PLEKHG7: variants seen among roughly 807,000 people sequenced by gnomAD.
PLEKHG7 encodes pleckstrin homology and RhoGEF domain containing G7.
Under a neutral mutation model 85.2 loss-of-function variants are expected in PLEKHG7, and 77 were observed. The ratio of observed to expected loss-of-function variants is 0.90; its 90% CI spans 0.75 to 1.09. The LOEUF is 1.09. Among genes scored for constraint, PLEKHG7 ranks in the 50% least tolerant of loss-of-function variants. The pLI is 0.00. For missense variants in PLEKHG7, 777 were observed against 804.3 expected (o/e 0.97, Z 0.41); for synonymous variants, 301 against 302.4 (o/e 1.00, Z 0.05).
At chr12:92,704,135 T>C (rs1387271981) in intron 1 of PLEKHG7, among the ~76,000 whole-genome samples, 1 of 152,094 alleles carries the variant, frequency 6.6e-6, no homozygotes, top group Non-Finnish European at 1.5e-5. Flanking sequence ...GTGGTAAGCA[T>C]CCATAGCCCC....
intron 15 of PLEKHG7, among the ~76,000 whole-genome samples, chr12:92,767,254 T>G (rs1184265595): frequency 6.6e-6 from 1 of 152,248 alleles, no homozygotes; most frequent in Non-Finnish European, 1.5e-5. Flanking sequence ...GCCTGTATAT[T>G]ATACTCTCTC....
At chr12:92,733,806 A>G (rs1035194895) in intron 5 of PLEKHG7, among the ~76,000 whole-genome samples, 4 of 152,228 alleles carry the variant, frequency 2.6e-5, no homozygotes, top group Admixed American at 6.5e-5. Flanking sequence ...GGATTGATCC[A>G]TTCTTTTCCC....
chr12:92,731,387 G>T (rs1378465891), intron 4 of PLEKHG7, among the ~76,000 whole-genome samples: 1 of 152,178 alleles, frequency 6.6e-6, no homozygotes, highest in Non-Finnish European at 1.5e-5. Flanking sequence ...TGCAGTAAAT[G>T]CTGCTCAGTT....
At position 92,728,988 on chromosome 12, in the gene PLEKHG7, C is replaced by A; in HGVS notation, c.531-5C>A. On this transcript the variant is annotated splice_region_variant and splice_polypyrimidine_tract_variant and intron_variant, in intron 3 of 16. Transcript: ENST00000344636. Reference sequence around the variant, plus strand: ...TGTGGTTTTCCTTTTATCTCTTGAGCACAGGTTCTACGAGCACAGGCGGAG... The same window carrying A: ...TGTGGTTTTCCTTTTATCTCTTGAGAACAGGTTCTACGAGCACAGGCGGAG... The A allele has an allele frequency of 8.1e-7, 1 of 1,231,598 alleles. No homozygotes were observed. Among genetic ancestry groups the A allele is most frequent in the Non-Finnish European group, 1.0e-6 (1 of 987,606 alleles). The allele number at this position is 1,231,598 out of a possible 1,614,324, so 76.3% of individuals were successfully genotyped here.
At chr12:92,730,850 G>A (rs968728135) in intron 4 of PLEKHG7, among the ~76,000 whole-genome samples, 7 of 152,112 alleles carry the variant, frequency 4.6e-5, no homozygotes, top group African/African-American at 1.4e-4. Flanking sequence ...GCCTAGCATC[G>A]TGGTAGATAC....
At chr12:92,760,719 C>T (rs545755351) in intron 13 of PLEKHG7, among the ~76,000 whole-genome samples, 1 of 152,248 alleles carries the variant, frequency 6.6e-6, no homozygotes, top group South Asian at 2.1e-4. Flanking sequence ...TTCTCTTCTA[C>T]TACTATTCCC....
At position 92,743,350 on chromosome 12, in the gene PLEKHG7, G is replaced by C. The variant is rs1243480758; in HGVS notation, c.1137+1758G>C. On this transcript the variant is annotated intron_variant, in intron 9 of 16. Coordinates refer to ENST00000344636, the MANE Select transcript of PLEKHG7 (RefSeq NM_001377329.1). The stretch of plus-strand genomic sequence containing the variant: ...CTACATATCATCCTCCCCAAGAAGA[G>C]CAAAGAGATAAACAGGAAACAGTAT... Among the ~76,000 whole-genome samples the C allele has an allele frequency of 3.9e-5, 6 of 152,306 alleles. No individual in the cohort carries two copies. The East Asian group carries it at 1.2e-3, about 29-fold the overall frequency.
intron 9 of PLEKHG7, among the ~76,000 whole-genome samples, chr12:92,742,037 G>A (rs535204705): frequency 4.3e-4 from 65 of 152,220 alleles, no homozygotes; most frequent in African/African-American, 1.4e-3. Context: ...CCTGTACCCC[G>A]GGTTTGATCA....
At chr12:92,742,265 G>A (rs966019513) in intron 9 of PLEKHG7, among the ~76,000 whole-genome samples, 3 of 152,142 alleles carry the variant, frequency 2.0e-5, no homozygotes, top group Admixed American at 6.6e-5. Context: ...AATTAAACAA[G>A]CGCCTTGCTT....
intron 10 of PLEKHG7, among the ~76,000 whole-genome samples, chr12:92,751,641 T>C (rs954831939): frequency 6.6e-6 from 1 of 151,524 alleles, no homozygotes; most frequent in African/African-American, 2.4e-5. Context: ...CCCAAAGTGC[T>C]GGGATTACAG....
At chr12:92,742,745 C>T (rs949898034) in intron 9 of PLEKHG7, among the ~76,000 whole-genome samples, 2 of 151,834 alleles carry the variant, frequency 1.3e-5, no homozygotes, top group Admixed American at 6.6e-5. Flanking sequence ...ACCACCACGC[C>T]GAGTTAATTT....
intron 9 of PLEKHG7, among the ~76,000 whole-genome samples, chr12:92,742,608 G>A (rs115595022): frequency 0.027 from 2,950 of 111,208 alleles, 94 homozygotes; most frequent in East Asian, 0.086. Context: ...TTTTTTTTTA[G>A]ACAGTCTCAC....
intron 10 of PLEKHG7, among the ~76,000 whole-genome samples, chr12:92,753,788 T>C (rs541191914): frequency 5.1e-4 from 78 of 152,288 alleles, no homozygotes; most frequent in African/African-American, 1.8e-3. Flanking sequence ...CCAAAGCTGA[T>C]GAAACCAGAA....
At chr12:92,708,636 G>A (rs959686537) in intron 3 of PLEKHG7, 2 of 152,170 alleles carry the variant, frequency 1.3e-5, no homozygotes, top group Non-Finnish European at 2.9e-5. Flanking sequence ...CACTCCAAAT[G>A]TTCCTTATCC....
intron 5 of PLEKHG7, among the ~76,000 whole-genome samples, chr12:92,732,696 AT>A (rs1218781681): frequency 1.3e-5 from 2 of 152,212 alleles, no homozygotes; most frequent in African/African-American, 4.8e-5. Context: ...ATACACTTCT[AT>A]TTCTGGGAAA....
Position 92,727,927 on chromosome 12 carries a change from GGTGTGTGT to G in PLEKHG7, c.531-1037_531-1030del, listed in dbSNP as rs540230230. 2.3e-3 allele frequency among the ~76,000 whole-genome samples: 192 copies of G among 84,986 alleles called. 8 individuals are homozygous for G. Among genetic ancestry groups the G allele is most frequent in the African/African-American group, 7.0e-3 (161 of 23,104 alleles). 55.8% of individuals were successfully genotyped at this position (84,986 alleles called of 152,430 possible). A position where few individuals can be genotyped will look rare whatever the true frequency, so the allele number is the denominator to read the frequency against. ...TTTTTATGGCTGCATGGTATTCTAT[GGTGTGTGT>G]GTGTGTGTGTGTGTGTGTGTGTGTG... is the stretch of plus-strand genomic sequence containing the variant. On this transcript the variant is annotated intron_variant, in intron 3 of 16. Transcript: ENST00000344636.
chr12:92,724,141 C>T (rs1871727614), intron 3 of PLEKHG7, among the ~76,000 whole-genome samples: 1 of 152,092 alleles, frequency 6.6e-6, no homozygotes, highest in Non-Finnish European at 1.5e-5. Flanking sequence ...TCGGAGCACT[C>T]AGCATTTTAT....
At position 92,740,828 on chromosome 12, in the gene PLEKHG7, T is replaced by A. The variant is rs760068378; in HGVS notation, c.940-25T>A. The A allele has an allele frequency of 6.1e-6, 9 of 1,470,266 alleles. No homozygotes were observed. The East Asian group carries it at 2.1e-4, about 34-fold the overall frequency. 91.1% of individuals were successfully genotyped at this position (1,470,266 alleles called of 1,614,324 possible). A position where few individuals can be genotyped will look rare whatever the true frequency, so the allele number is the denominator to read the frequency against. ...TGCAAAATTAAAAAACAGAAATTAA[T>A]GTGTATATATTTTTTATTTCAAAGA... On this transcript the variant is annotated intron_variant, in intron 7 of 16. Coordinates refer to ENST00000344636, the MANE Select transcript of PLEKHG7 (RefSeq NM_001377329.1).
chr12:92,747,938 A>C (rs2136613240), intron 10 of PLEKHG7, among the ~76,000 whole-genome samples: 1 of 152,348 alleles, frequency 6.6e-6, no homozygotes, highest in Admixed American at 6.5e-5. Context: ...GGGTGCAAAC[A>C]TACAGTTATA....
Sources: allele counts gnomAD v4.1 joint callset (sites outside exome capture counted in the v4.1 genomes callset), GRCh38; gene constraint gnomAD v4.1.1; transcripts MANE v1.5; gene names NCBI Gene and HGNC (gene_info 2026-07-23, HGNC 2026-07-21).